The following NLRP9 variants were observed in gnomAD, a reference collection of about 807,000 sequenced individuals.
The protein encoded by NLRP9 is NACHT, LRR and PYD domains-containing protein 9.
A neutral mutation model predicts 83.1 loss-of-function variants in NLRP9; 88 were observed. The ratio of observed to expected loss-of-function variants is 1.06; its 90% CI spans 0.89 to 1.26. The LOEUF is 1.26. Ranked by LOEUF, NLRP9 falls within the 50% of genes most tolerant of loss-of-function variation. NLRP9 has a pLI of 0.00. For missense variants in NLRP9, 1,308 were observed against 1,179.3 expected, an observed-to-expected ratio of 1.11 and a Z score of -1.60; for synonymous variants, 521 against 447.6, an observed-to-expected ratio of 1.16 and a Z score of -2.07.
chr19:55,720,046 T>TG (rs956881950), intron 4 of NLRP9, among the ~76,000 whole-genome samples: 5 of 152,168 alleles, frequency 3.3e-5, no homozygotes, highest in East Asian at 1.9e-4. Flanking sequence ...CTCTGATGTG[T>TG]GGGGGAAAAA....
At chr19:55,734,664 C>T (rs1217887399) in intron 1 of NLRP9, among the ~76,000 whole-genome samples, 1 of 149,476 alleles carries the variant, frequency 6.7e-6, no homozygotes, top group African/African-American at 2.5e-5. Context: ...GATGAACTCT[C>T]GCTCTTGTCC....
intron 3 of NLRP9, among the ~76,000 whole-genome samples, chr19:55,726,888 G>T (rs565871477): frequency 5.3e-5 from 8 of 152,164 alleles, no homozygotes; most frequent in Non-Finnish European, 7.3e-5. Context: ...AAGGCATGTG[G>T]CTAGATACCT....
intron 2 of NLRP9, 114 bp downstream of exon 2, chr19:55,731,885 C>G (rs2122329851): frequency 1.5e-6 from 1 of 653,934 alleles, no homozygotes; most frequent in South Asian, 2.3e-5. Flanking sequence ...GGCTTTCTGA[C>G]TCCGACCTCC....
rs1263181513 is a variant in NLRP9 at position 55,732,429 on chromosome 19, G to A, written c.1402C>T (p.Pro468Ser). 5 of 1,614,096 alleles carry A rather than the reference G, an allele frequency of 3.1e-6. No individual in the cohort carries two copies. Among genetic ancestry groups the A allele is most frequent in the African/African-American group, 2.7e-5 (2 of 74,924 alleles). ...LLKRPKDDPN[P>S]AIGSITQLVR... is the part of the protein sequence containing the mutation. ...AGCTGGGTTATGCTTCCAATGGCCG[G>A]GTTAGGATCGTCTTTGGGTCGTTTG... The change falls in exon 2 of 9, where the codon CCG (proline) becomes TCG (serine). Residue 468 changes from proline to serine, a missense_variant. Coordinates refer to ENST00000332836, the MANE Select transcript of NLRP9 (RefSeq NM_176820.4).
At chr19:55,735,822 G>T (rs1162143531) in intron 1 of NLRP9, among the ~76,000 whole-genome samples, 2 of 151,804 alleles carry the variant, frequency 1.3e-5, no homozygotes, top group Non-Finnish European at 2.9e-5. Context: ...CGAGTAGCTG[G>T]GATTACAGGC....
At chr19:55,736,213 G>A (rs907055734) in intron 1 of NLRP9, among the ~76,000 whole-genome samples, 2 of 151,496 alleles carry the variant, frequency 1.3e-5, no homozygotes, top group Non-Finnish European at 2.9e-5. Flanking sequence ...AACACGGTGA[G>A]ACCCCATCTC....
chr19:55,713,367 G>C (rs932120041), intron 6 of NLRP9, among the ~76,000 whole-genome samples: 8 of 151,734 alleles, frequency 5.3e-5, no homozygotes, highest in African/African-American at 1.9e-4. Context: ...ATAAATGACA[G>C]ATGACATATA....
At chr19:55,733,919 A>ATTTTTTTT (rs765779528) in intron 1 of NLRP9, among the ~76,000 whole-genome samples, 4,335 of 117,592 alleles carry the variant, frequency 0.037, 331 homozygotes, top group African/African-American at 0.056. Context: ...TGTCAACCAA[A>ATTTTTTTT]TTTTTTTTTT....
chr19:55,721,774 T>A (rs1478558249), intron 4 of NLRP9, among the ~76,000 whole-genome samples: 1 of 152,290 alleles, frequency 6.6e-6, no homozygotes, highest in East Asian at 1.9e-4. Flanking sequence ...CAGGCTGTTC[T>A]CCTGACAGTG....
Position 55,724,089 on chromosome 19 carries a change from T to C in NLRP9, c.2050A>G (p.Asn684Asp). The C allele has an allele frequency of 6.2e-7, 1 of 1,613,584 alleles. No homozygotes were observed. The highest frequency in any genetic ancestry group is 8.5e-7 in the Non-Finnish European group (1 of 1,179,530). ...AGGCTCAGAAGTTTCAGATGAGGGTTGTGAAGAACTGCCTTAAATAATTCT... is the reference window on the plus strand; with the variant it reads ...AGGCTCAGAAGTTTCAGATGAGGGTCGTGAAGAACTGCCTTAAATAATTCT... ...DSELFKAVLHNPHLKLLSLYG... is the reference protein window; with the variant it reads ...DSELFKAVLHDPHLKLLSLYG... The change falls in exon 4 of 9, where the codon AAC becomes GAC. Residue 684 changes from asparagine (N) to aspartate (D), a missense_variant. Physicochemically the swap from Asn to Asp is conservative, Grantham distance 23. Coordinates refer to ENST00000332836, the MANE Select transcript of NLRP9 (RefSeq NM_176820.4).
chr19:55,730,311 C>G (rs913967415), intron 2 of NLRP9, among the ~76,000 whole-genome samples: 1 of 152,094 alleles, frequency 6.6e-6, no homozygotes, highest in African/African-American at 2.4e-5. Flanking sequence ...AAAAATTAGA[C>G]AGATGTGGTG....
intron 4 of NLRP9, among the ~76,000 whole-genome samples, chr19:55,718,576 TA>T (rs1237036627): frequency 2.6e-5 from 4 of 152,224 alleles, no homozygotes; most frequent in East Asian, 1.9e-4. Context: ...TACGTGCACA[TA>T]CGGGCACAGT....
chr19:55,720,962 T>C (rs1413301937), intron 4 of NLRP9, among the ~76,000 whole-genome samples: 1 of 152,210 alleles, frequency 6.6e-6, no homozygotes, highest in Non-Finnish European at 1.5e-5. Context: ...ACCACTCAGA[T>C]ATTATGCCCG....
rs535971502 is a variant in NLRP9, at chr19:55,716,263, T to C, written c.2330+465A>G. Among the ~76,000 whole-genome samples, 4 of 148,262 alleles carry C rather than the reference T, an allele frequency of 2.7e-5. No homozygotes were observed. In the South Asian group the frequency reaches 8.7e-4, roughly 32 times the overall value. ...TTTTAAATTTAAAAATTTTCTTTTT[T>C]TTTTTTTTTTTTTGAGATGGAATCT... On this transcript the variant is annotated intron_variant, in intron 5 of 8. Transcript: ENST00000332836.
chr19:55,718,336 G>A (rs144446447), intron 4 of NLRP9, among the ~76,000 whole-genome samples: 1 of 152,190 alleles, frequency 6.6e-6, no homozygotes, highest in Admixed American at 6.5e-5. Context: ...TGAGGAGGAG[G>A]AGTGAAAGAG....
chr19:55,713,063 T>C (rs1029204162), intron 6 of NLRP9, among the ~76,000 whole-genome samples: 1 of 150,122 alleles, frequency 6.7e-6, no homozygotes, highest in Non-Finnish European at 1.5e-5. Context: ...CCTGCACTTC[T>C]TCTCTCCTGC....
chr19:55,735,588 T>C (rs111646390), intron 1 of NLRP9, among the ~76,000 whole-genome samples: 3,240 of 152,348 alleles, frequency 0.021, 84 homozygotes, highest in African/African-American at 0.059. Context: ...TTATACTGTA[T>C]ATACTATTTT....
At chr19:55,733,835 T>G (rs1988685435) in intron 1 of NLRP9, among the ~76,000 whole-genome samples, 1 of 151,948 alleles carries the variant, frequency 6.6e-6, no homozygotes, top group Admixed American at 6.6e-5. Context: ...AGGATGTGGA[T>G]CTCCACAATC....
intron 7 of NLRP9, 45 bp downstream of exon 7, chr19:55,712,375 T>G: frequency 6.5e-7 from 1 of 1,530,282 alleles, no homozygotes; most frequent in Non-Finnish European, 9.0e-7. Context: ...TTCCTATTCT[T>G]GAAATAGATA....
Sources: gnomAD v4.1 joint callset for allele counts (sites outside exome capture counted in the v4.1 genomes callset) on GRCh38, gnomAD v4.1.1 for gene constraint, MANE v1.5 for transcripts, NCBI Gene and HGNC (gene_info 2026-07-23, HGNC 2026-07-21) for gene names.